RNF38: variants seen among roughly 807,000 people sequenced by gnomAD.
The protein encoded by RNF38 is ring finger protein 38.
In RNF38, 15 loss-of-function variants were observed where a neutral mutation model predicts 67.2. That is an observed-to-expected ratio of 0.22 (90% confidence interval 0.15 to 0.34). RNF38 has a LOEUF of 0.34. Among genes scored for constraint, RNF38 ranks in the 10% least tolerant of loss-of-function variants. The pLI is 1.00. For synonymous variants in RNF38, 220 were observed against 218.8 expected, an observed-to-expected ratio of 1.01 and a Z score of -0.05; for missense variants, 524 against 639.9, an observed-to-expected ratio of 0.82 and a Z score of 1.95.
upstream of RNF38, chr9:36,400,489 G>A (rs1392366362): frequency 1.4e-5 from 14 of 1,007,666 alleles, no homozygotes; most frequent in Non-Finnish European, 1.7e-5. Context: ...CGGCCCCGCA[G>A]GCTCTCAACG....
chr9:36,470,658 G>A (rs1378339550), intron 1 of RNF38, among the ~76,000 whole-genome samples: 1 of 151,508 alleles, frequency 6.6e-6, no homozygotes, highest in African/African-American at 2.4e-5. Context: ...TCTAACCTTT[G>A]TTTGTATTGC....
At position 36,338,120 on chromosome 9, in the gene RNF38, A is replaced by G. The variant is rs755677351; in HGVS notation, c.*1632T>C. On this transcript the variant is annotated 3_prime_UTR_variant, in exon 12 of 12. Transcript: ENST00000259605. ...AATAATGCAGCTTGTGCTATTGCAA[A>G]CAAAGCAATTACATCAACTGCAGGA... The G allele has an allele frequency of 6.6e-6, 1 of 152,554 alleles. No homozygotes were observed. Among genetic ancestry groups the G allele is most frequent in the Non-Finnish European group, 1.5e-5 (1 of 68,050 alleles). 9.5% of individuals were successfully genotyped at this position (152,554 alleles called of 1,614,324 possible).
At chr9:36,461,789 C>T (rs908977338) in intron 1 of RNF38, among the ~76,000 whole-genome samples, 1 of 145,452 alleles carries the variant, frequency 6.9e-6, no homozygotes, top group Non-Finnish European at 1.5e-5. Context: ...TAAGCATTTC[C>T]GATGGAAAAA....
upstream of RNF38, chr9:36,400,639 C>CTATT (rs1837945387): frequency 1.8e-5 from 18 of 985,632 alleles, no homozygotes; most frequent in Non-Finnish European, 1.9e-5. Flanking sequence ...TCGCCCAGCC[C>CTATT]GCGGCCAGCT....
At chr9:36,388,511 T>C (rs1259005378) in intron 2 of RNF38, among the ~76,000 whole-genome samples, 2 of 152,166 alleles carry the variant, frequency 1.3e-5, no homozygotes, top group African/African-American at 4.8e-5. Flanking sequence ...AGGATAACTT[T>C]TTTTGTTCAA....
chr9:36,430,746 C>T (rs1330828907), intron 1 of RNF38, among the ~76,000 whole-genome samples: 1 of 151,542 alleles, frequency 6.6e-6, no homozygotes, highest in Non-Finnish European at 1.5e-5. Context: ...GGCGGGGGTG[C>T]GGTTTCCAAT....
rs549243179 is a variant in RNF38, at chr9:36,389,672, C to A, written c.162+795G>T. On this transcript the variant is annotated intron_variant, in intron 2 of 11. Transcript: ENST00000259605. ...ATCCCTCCAAATTTTTTATCTCCAA[C>A]TTTATGTGTCACAAGCATTTCACTT... is the stretch of plus-strand genomic sequence containing the variant. Among the ~76,000 whole-genome samples, 11 of 152,312 alleles carry A rather than the reference C, an allele frequency of 7.2e-5. No homozygotes were observed. In the South Asian group the frequency reaches 1.0e-3, roughly 14 times the overall value.
intron 3 of RNF38, among the ~76,000 whole-genome samples, chr9:36,373,659 G>C (rs555481725): frequency 6.1e-4 from 91 of 149,958 alleles, no homozygotes; most frequent in African/African-American, 2.2e-3. Flanking sequence ...GCAGTGGCGC[G>C]ATCTCAGGTT....
chr9:36,473,774 C>A (rs1840053559), intron 1 of RNF38, among the ~76,000 whole-genome samples: 1 of 150,796 alleles, frequency 6.6e-6, no homozygotes, highest in South Asian at 2.1e-4. Context: ...ATCACAAGGT[C>A]AGGAGTTCAA....
chr9:36,445,997 G>A (rs1839292813), intron 1 of RNF38, among the ~76,000 whole-genome samples: 1 of 152,148 alleles, frequency 6.6e-6, no homozygotes, highest in Non-Finnish European at 1.5e-5. Context: ...CTTGAATCCA[G>A]TCCTTGTCTT....
chr9:36,358,271 C>A (rs1056899721), intron 4 of RNF38, among the ~76,000 whole-genome samples: 2 of 152,154 alleles, frequency 1.3e-5, no homozygotes, highest in African/African-American at 4.8e-5. Flanking sequence ...AAGCTTGTAT[C>A]TTCCATTATT....
chr9:36,413,447 G>A (rs1176633088), intron 2 of RNF38, among the ~76,000 whole-genome samples: 2 of 152,148 alleles, frequency 1.3e-5, no homozygotes, highest in African/African-American at 4.8e-5. Context: ...CACAAGAACA[G>A]ACTAACATAA....
intron 4 of RNF38, 125 bp from the exon 5 acceptor site, chr9:36,358,067 C>T: frequency 1.4e-6 from 1 of 697,896 alleles, no homozygotes; most frequent in Non-Finnish European, 2.4e-6. Context: ...ATGTACTCTC[C>T]AATAGTTTCG....
chr9:36,447,479 A>G (rs112955052), intron 1 of RNF38, among the ~76,000 whole-genome samples: 3,974 of 152,302 alleles, frequency 0.026, 68 homozygotes, highest in South Asian at 0.055. Context: ...TGCTATCTCT[A>G]AAGGATTCCA....
chr9:36,486,933 C>T (rs1432591796), intron 1 of RNF38, among the ~76,000 whole-genome samples: 1 of 152,160 alleles, frequency 6.6e-6, no homozygotes, highest in African/African-American at 2.4e-5. Flanking sequence ...TCCCAGCCCC[C>T]TCTGCTCGGG....
intron 1 of RNF38, among the ~76,000 whole-genome samples, chr9:36,449,521 C>T (rs1054680313): frequency 5.3e-5 from 8 of 152,044 alleles, no homozygotes; most frequent in Non-Finnish European, 1.2e-4. Flanking sequence ...CTGCAACCTC[C>T]GACTCCTGGG....
chr9:36,478,302 G>A (rs977131478), intron 1 of RNF38, among the ~76,000 whole-genome samples: 54 of 151,126 alleles, frequency 3.6e-4, no homozygotes, highest in African/African-American at 1.2e-3. Flanking sequence ...TACTCGGGAG[G>A]CTGAGGCAGG....
At chr9:36,428,635 A>T (rs1228951598) in intron 1 of RNF38, among the ~76,000 whole-genome samples, 1 of 152,178 alleles carries the variant, frequency 6.6e-6, no homozygotes. Context: ...ACTTTGAGTA[A>T]CAGCATTATT....
intron 1 of RNF38, among the ~76,000 whole-genome samples, chr9:36,449,664 G>C (rs1002520371): frequency 1.3e-5 from 2 of 152,022 alleles, no homozygotes; most frequent in East Asian, 1.9e-4. Context: ...CTCGATCTCC[G>C]AATCTTGTGA....
Sources: allele counts gnomAD v4.1 joint callset (sites outside exome capture counted in the v4.1 genomes callset), GRCh38; gene constraint gnomAD v4.1.1; transcripts MANE v1.5; gene names NCBI Gene and HGNC (gene_info 2026-07-23, HGNC 2026-07-21).